The following LRPPRC variants were observed in gnomAD, a reference collection of about 807,000 sequenced individuals.
The protein encoded by LRPPRC is leucine rich pentatricopeptide repeat containing.
LRPPRC carries 120 observed loss-of-function variants against 180.3 expected under a neutral mutation model. That is an observed-to-expected ratio of 0.67 (90% CI 0.57 to 0.77). The LOEUF is 0.77. Ranked by LOEUF, LRPPRC falls within the 30% of genes least tolerant of loss-of-function variation. The pLI is 0.00. For synonymous variants in LRPPRC, 723 were observed against 600.0 expected (o/e 1.21, Z -3.00); for missense variants, 2,012 against 1,657.2 (o/e 1.21, Z -3.72).
intron 1 of LRPPRC, among the ~76,000 whole-genome samples, chr2:43,990,177 C>A (rs536439417): frequency 6.6e-6 from 1 of 152,186 alleles, no homozygotes; most frequent in Non-Finnish European, 1.5e-5. Context: ...CGAGATGGCC[C>A]CGTTACACTC....
At chr2:43,990,914 C>T (rs193253584) in intron 1 of LRPPRC, among the ~76,000 whole-genome samples, 1,694 of 150,464 alleles carry the variant, frequency 0.011, 15 homozygotes, top group South Asian at 0.012. Context: ...GGCGTGATCT[C>T]GGCTCACTGC....
At chr2:43,947,109 ATTAG>A in intron 20 of LRPPRC, 144 bp downstream of exon 20, 1 of 561,352 alleles carries the variant, frequency 1.8e-6, no homozygotes, top group Non-Finnish European at 3.1e-6. Context: ...TGTAGCTGAA[ATTAG>A]TTAACCTTTC....
intron 25 of LRPPRC, 48 bp from the exon 26 acceptor site, chr2:43,926,009 A>C (rs1671864879): frequency 9.0e-7 from 1 of 1,108,858 alleles, no homozygotes; most frequent in Non-Finnish European, 1.4e-6. Context: ...GCTTCGGCTG[A>C]ATATTATTTT....
chr2:43,965,690 T>C (rs1298050568), intron 11 of LRPPRC, among the ~76,000 whole-genome samples: 1 of 152,066 alleles, frequency 6.6e-6, no homozygotes, highest in East Asian at 1.9e-4. Context: ...AATAATTCAA[T>C]TAACAAATGG....
chr2:43,974,292 G>A lies in LRPPRC; in HGVS notation c.1013C>T (p.Ala338Val). The A allele has an allele frequency of 6.2e-7, 1 of 1,609,714 alleles. No homozygotes were observed. The change falls in exon 9 of 38, where the codon GCA becomes GTA. Residue 338 changes from alanine to valine, a missense_variant. Coordinates refer to ENST00000260665, the MANE Select transcript of LRPPRC (RefSeq NM_133259.4). ...VTCERRYIPDAMNLILLLVTE... is the reference protein window; with the variant it reads ...VTCERRYIPDVMNLILLLVTE... ...GACTAAAAGTAAAATGAGGTTCATT[G>A]CATCTGGGAAGAAAACAAAGACATC...
In LRPPRC at chr2:43,887,545, A is replaced by C. The variant is rs2104965341; in HGVS notation, c.*1055T>G. ...GGAACAGTAGGGAGTCACCAAATTC[A>C]AATGAACAAGGAATACCCCAAAATG... On this transcript the variant is annotated 3_prime_UTR_variant, in exon 38 of 38. Transcript: ENST00000260665. 1 of 152,344 alleles carries C rather than the reference A, an allele frequency of 6.6e-6. No individual in the cohort carries two copies. The highest frequency in any genetic ancestry group is 1.9e-4 in the East Asian group (1 of 5,182). 9.4% of individuals were successfully genotyped at this position (152,344 alleles called of 1,614,324 possible).
chr2:43,913,940 T>C (rs1671351005), intron 29 of LRPPRC, among the ~76,000 whole-genome samples: 1 of 152,226 alleles, frequency 6.6e-6, no homozygotes, highest in Admixed American at 6.5e-5. Flanking sequence ...AAGACATATT[T>C]TCATTTGAGT....
chr2:43,921,278 G>C (rs143210749), intron 27 of LRPPRC, among the ~76,000 whole-genome samples: 2,114 of 152,020 alleles, frequency 0.014, 40 homozygotes, highest in African/African-American at 0.047. Context: ...GGCGAGATGT[G>C]AACACTAAAA....
At position 43,965,697 on chromosome 2, in the gene LRPPRC, A is replaced by G. The variant is rs1673525955; in HGVS notation, c.1370-1991T>C. Among the ~76,000 whole-genome samples the G allele has an allele frequency of 2.0e-5, 3 of 152,320 alleles. No homozygotes were observed. The South Asian group carries it at 6.2e-4, about 32-fold the overall frequency. On this transcript the variant is annotated intron_variant, in intron 11 of 37. Transcript: ENST00000260665. Reference sequence around the variant, plus strand: ...AAACCCCAAATAATTCAATTAACAAATGGGCAAAGGATCTGAATACACATT... The same window carrying G: ...AAACCCCAAATAATTCAATTAACAAGTGGGCAAAGGATCTGAATACACATT...
chr2:43,995,636 C>T, intron 1 of LRPPRC, 163 bp downstream of exon 1: 2 of 644,636 alleles, frequency 3.1e-6, no homozygotes, highest in Non-Finnish European at 4.6e-6. Flanking sequence ...CCCTGTCACC[C>T]GAAAACCCCT....
At chr2:43,929,511 C>A (rs571649720) in intron 25 of LRPPRC, among the ~76,000 whole-genome samples, 1 of 152,070 alleles carries the variant, frequency 6.6e-6, no homozygotes, top group African/African-American at 2.4e-5. Context: ...CATGACATAC[C>A]TTTTTCTTAA....
chr2:43,963,883 C>A, intron 11 of LRPPRC, 177 bp from the exon 12 acceptor site: 1 of 621,804 alleles, frequency 1.6e-6, no homozygotes, highest in Non-Finnish European at 2.8e-6. Context: ...AAATTAACTC[C>A]TCCTTTCTTC....
At chr2:43,987,353 G>A (rs1264453466) in intron 1 of LRPPRC, among the ~76,000 whole-genome samples, 1 of 151,988 alleles carries the variant, frequency 6.6e-6, no homozygotes, top group African/African-American at 2.4e-5. Flanking sequence ...AAATTAGCCA[G>A]GGGCCGTGGC....
Position 43,992,109 on chromosome 2 carries a change from G to A in LRPPRC, c.149+3690C>T, listed in dbSNP as rs539826104. Among the ~76,000 whole-genome samples the A allele has an allele frequency of 1.1e-4, 17 of 152,310 alleles. No homozygotes were observed. The South Asian group carries it at 2.9e-3, about 26-fold the overall frequency. On this transcript the variant is annotated intron_variant, in intron 1 of 37. Coordinates refer to ENST00000260665, the MANE Select transcript of LRPPRC (RefSeq NM_133259.4). ...CGTCATAGTGTTAATGGGTGCTTTA[G>A]TGATACACGGTCTAAGAGGAGGCAC...
intron 1 of LRPPRC, among the ~76,000 whole-genome samples, chr2:43,993,810 G>C (rs774732441): frequency 8.6e-5 from 13 of 151,874 alleles, no homozygotes; most frequent in Admixed American, 2.6e-4. Flanking sequence ...AATCTACAGT[G>C]GGACCGGCAT....
chr2:43,916,874 G>T (rs1671487419), intron 29 of LRPPRC, among the ~76,000 whole-genome samples: 1 of 150,616 alleles, frequency 6.6e-6, no homozygotes, highest in Non-Finnish European at 1.5e-5. Flanking sequence ...AAGCCCACGA[G>T]GCGGGGGCTG....
chr2:43,975,130 A>G lies in LRPPRC; in HGVS notation c.825T>C (p.Asn275=), dbSNP rs1673994372. The change falls in exon 7 of 38, where the codon AAT becomes AAC. Residue 275 remains asparagine (N), a synonymous_variant. Transcript: ENST00000260665. The part of the protein sequence containing the change: ...PGPDTYLALL[N]AYAEKGDIDH... ...CAATGTCGCCCTTCTCAGCATATGC[A>G]TTCAATAATGCGAGGTATGTGTCTG... 2 of 1,613,514 alleles carry G rather than the reference A, an allele frequency of 1.2e-6. No individual in the cohort carries two copies. Among genetic ancestry groups the G allele is most frequent in the Non-Finnish European group, 1.7e-6 (2 of 1,179,722 alleles).
chr2:43,910,749 G>C (rs963373954), intron 30 of LRPPRC, among the ~76,000 whole-genome samples: 1 of 152,118 alleles, frequency 6.6e-6, no homozygotes, highest in Non-Finnish European at 1.5e-5. Context: ...TTTGTGGTGA[G>C]CTGAGAGGAA....
At chr2:43,968,414 A>G (rs983130168) in intron 11 of LRPPRC, among the ~76,000 whole-genome samples, 14 of 152,252 alleles carry the variant, frequency 9.2e-5, no homozygotes, top group Non-Finnish European at 1.8e-4. Context: ...AATATTATAC[A>G]TAGGCATGGA....
Sources: allele counts gnomAD v4.1 joint callset (sites outside exome capture counted in the v4.1 genomes callset), GRCh38; gene constraint gnomAD v4.1.1; transcripts MANE v1.5; gene names NCBI Gene and HGNC (gene_info 2026-07-23, HGNC 2026-07-21).